Variants in PCDHGB1 observed in about 807,000 individuals in gnomAD.
PCDHGB1 encodes protocadherin gamma subfamily B, 1.
PCDHGB1 carries 34 observed loss-of-function variants against 56.6 expected under a neutral mutation model. The ratio of observed to expected loss-of-function variants is 0.60; its 90% CI spans 0.46 to 0.80. The LOEUF is 0.80. Among genes scored for constraint, PCDHGB1 ranks in the 30% least tolerant of loss-of-function variants. The pLI is 0.00. For synonymous variants in PCDHGB1, 561 were observed against 505.9 expected (o/e 1.11, Z -1.46); for missense variants, 1,278 against 1,204.6 (o/e 1.06, Z -0.90).
At chr5:141,400,524 G>A (rs958686867) in intron 1 of PCDHGB1, 1 of 1,613,802 alleles carries the variant, frequency 6.2e-7, no homozygotes, top group Non-Finnish European at 8.5e-7. Context: ...ATCCTGAGTT[G>A]GTGAGTTTCA....
At chr5:141,400,079 C>A in intron 1 of PCDHGB1, 1 of 1,614,042 alleles carries the variant, frequency 6.2e-7, no homozygotes, top group East Asian at 2.2e-5. Flanking sequence ...CCGCCACTCT[C>A]CGCCACCGCC....
At chr5:141,409,863 A>G in intron 1 of PCDHGB1, 3 of 1,612,376 alleles carry the variant, frequency 1.9e-6, no homozygotes, top group Non-Finnish European at 2.5e-6. Flanking sequence ...TTGGTGGGAG[A>G]CCGCAATGAC....
chr5:141,381,354 G>A (rs1163041754), intron 1 of PCDHGB1, among the ~76,000 whole-genome samples: 1 of 152,202 alleles, frequency 6.6e-6, no homozygotes, highest in Non-Finnish European at 1.5e-5. Context: ...CTTTCTGCTA[G>A]CAGAGGGTAG....
chr5:141,472,856 C>T (rs1251907207), intron 1 of PCDHGB1, among the ~76,000 whole-genome samples: 5 of 150,296 alleles, frequency 3.3e-5, no homozygotes, highest in East Asian at 2.0e-4. Flanking sequence ...CATGGTGGCA[C>T]ATGCCTGTAT....
intron 1 of PCDHGB1, chr5:141,403,000 A>T: frequency 1.1e-5 from 18 of 1,613,980 alleles, no homozygotes; most frequent in Non-Finnish European, 1.4e-5. Context: ...TAGTCCTGCT[A>T]TGCTCGCTCC....
rs772255956 is a variant in PCDHGB1 at position 141,361,360 on chromosome 5, G to A, written c.2409+8691G>A. Reference sequence around the variant, plus strand: ...CTATTACAAACTAGTGACAGACGGCGCTCTGGACCGGGAGGAGATCCCAGA... The same window carrying A: ...CTATTACAAACTAGTGACAGACGGCACTCTGGACCGGGAGGAGATCCCAGA... On this transcript the variant is annotated intron_variant, in intron 1 of 3. Transcript: ENST00000523390. 3.1e-6 allele frequency: 5 copies of A among 1,613,944 alleles called. No homozygotes were observed. In the East Asian group the frequency reaches 1.1e-4, roughly 36 times the overall value.
chr5:141,502,383 G>A (rs941410477), intron 2 of PCDHGB1, among the ~76,000 whole-genome samples: 2 of 151,846 alleles, frequency 1.3e-5, no homozygotes, highest in African/African-American at 4.8e-5. Context: ...CAGGCCAGTT[G>A]TACTTTAAAA....
rs770391604 is a variant in PCDHGB1, at chr5:141,431,437, G to A, written c.2410-63370G>A. On this transcript the variant is annotated intron_variant, in intron 1 of 3. Coordinates refer to ENST00000523390, the MANE Select transcript of PCDHGB1 (RefSeq NM_018922.3). The surrounding 1 kb of genome is among the most constrained non-coding windows in gnomAD (Gnocchi z 4.8). ...GCGACCCGGTGCGCACAGGCACCGC[G>A]CGCATCCGCGTGATGGTTCTGGATG... The A allele has an allele frequency of 7.4e-6, 12 of 1,613,710 alleles. No homozygotes were observed. In the East Asian group the frequency reaches 2.5e-4, roughly 33 times the overall value.
At chr5:141,480,894 C>CA (rs1235468010) in intron 1 of PCDHGB1, among the ~76,000 whole-genome samples, 15 of 151,848 alleles carry the variant, frequency 9.9e-5, no homozygotes, top group African/African-American at 3.4e-4. Context: ...AAAATGCAAA[C>CA]ATTAGCTGGG....
intron 1 of PCDHGB1, chr5:141,417,577 C>A: frequency 2.3e-6 from 1 of 439,676 alleles, no homozygotes; most frequent in Non-Finnish European, 4.0e-6. Flanking sequence ...AAGTTGCAGT[C>A]CCACACAGAG....
intron 1 of PCDHGB1, among the ~76,000 whole-genome samples, chr5:141,463,302 A>T (rs2099056422): frequency 6.6e-6 from 1 of 151,090 alleles, no homozygotes; most frequent in Non-Finnish European, 1.5e-5. Context: ...ATCTCCCCAA[A>T]CTCTAATATC....
chr5:141,384,822 C>T (rs149266522), intron 1 of PCDHGB1: 80 of 1,613,436 alleles, frequency 5.0e-5, no homozygotes, highest in Admixed American at 3.2e-4. Flanking sequence ...TCAAGCAGAG[C>T]CTCGTGGTGG....
chr5:141,413,372 G>T lies in PCDHGB1; in HGVS notation c.2409+60703G>T, dbSNP rs760934804. ...CTGGCGCCCCGGGAGCTGGCGGAGCGCGGAGTCCGCATAGTCTCCAGAGGT... is the reference window on the plus strand; with the variant it reads ...CTGGCGCCCCGGGAGCTGGCGGAGCTCGGAGTCCGCATAGTCTCCAGAGGT... On this transcript the variant is annotated intron_variant, in intron 1 of 3. Transcript: ENST00000523390. The T allele has an allele frequency of 1.9e-6, 3 of 1,613,950 alleles. No individual in the cohort carries two copies. The South Asian group carries it at 3.3e-5, about 18-fold the overall frequency.
At position 141,431,338 on chromosome 5, in the gene PCDHGB1, A is replaced by G; in HGVS notation, c.2410-63469A>G. On this transcript the variant is annotated intron_variant, in intron 1 of 3. Transcript: ENST00000523390. This position sits in a 1 kb window ranked among gnomAD's most constrained non-coding sequence, Gnocchi z 4.8. ...GAGCCGACGGTAGTAAGTACCCCGA[A>G]TTGGTGCTGAAACGCGCCCTGGACC... 1 of 1,614,068 alleles carries G rather than the reference A, an allele frequency of 6.2e-7. No homozygotes were observed. The highest frequency in any genetic ancestry group is 8.5e-7 in the Non-Finnish European group (1 of 1,180,032).
chr5:141,497,804 T>G (rs1196976996), intron 2 of PCDHGB1, among the ~76,000 whole-genome samples: 1 of 152,186 alleles, frequency 6.6e-6, no homozygotes, highest in Non-Finnish European at 1.5e-5. Context: ...CTTCCCAAAG[T>G]GCTAGAATTA....
chr5:141,413,793 C>G, intron 1 of PCDHGB1: 1 of 1,613,106 alleles, frequency 6.2e-7, no homozygotes, highest in South Asian at 1.1e-5. Context: ...CCCTAGATCG[C>G]GAGGAAGAGG....
At chr5:141,399,933 C>T in intron 1 of PCDHGB1, 5 of 1,612,358 alleles carry the variant, frequency 3.1e-6, no homozygotes, top group Non-Finnish European at 1.7e-6. Context: ...GGCTGTCCTA[C>T]CACGTGCTGC....
At chr5:141,401,856 T>C (rs778189763) in intron 1 of PCDHGB1, among the ~76,000 whole-genome samples, 2 of 152,228 alleles carry the variant, frequency 1.3e-5, no homozygotes, top group Non-Finnish European at 2.9e-5. Context: ...ACTTTTAACC[T>C]TTCAGTAGTT....
intron 1 of PCDHGB1, chr5:141,377,857 T>C (rs1234593870): frequency 6.6e-6 from 1 of 152,172 alleles, no homozygotes. Context: ...AAAATTAAGA[T>C]TTAAAAGACT....
Sources: gnomAD v4.1 joint callset for allele counts (sites outside exome capture counted in the v4.1 genomes callset) on GRCh38, gnomAD v4.1.1 for gene constraint, Gnocchi (gnomAD v3.1) non-coding constraint, MANE v1.5 for transcripts, NCBI Gene and HGNC (gene_info 2026-07-23, HGNC 2026-07-21) for gene names.